The following DOCK10 variants were observed in gnomAD, a reference collection of about 807,000 sequenced individuals.
DOCK10 encodes dedicator of cytokinesis 10.
DOCK10 carries 145 observed loss-of-function variants against 280.1 expected under a neutral mutation model. That is an observed-to-expected ratio of 0.52 (90% CI 0.45 to 0.59). DOCK10 has a LOEUF of 0.59. Ranked by LOEUF, DOCK10 falls within the 20% of genes least tolerant of loss-of-function variation. The probability of loss-of-function intolerance (pLI) is 0.00; values close to 1 mark genes in which losing one functional copy is unlikely to be tolerated. For missense variants in DOCK10, 2,368 were observed against 2,651.7 expected, an observed-to-expected ratio of 0.89 and a Z score of 2.35; for synonymous variants, 915 against 942.2, an observed-to-expected ratio of 0.97 and a Z score of 0.53.
intron 2 of DOCK10, among the ~76,000 whole-genome samples, chr2:224,918,765 T>TGTAATG (rs1701488787): frequency 7.8e-6 from 1 of 128,334 alleles, no homozygotes; most frequent in African/African-American, 2.6e-5. Context: ...TGTGTCGCAT[T>TGTAATG]TGAGTGCATG....
intron 29 of DOCK10, among the ~76,000 whole-genome samples, chr2:224,818,032 G>T (rs1694251073): frequency 6.6e-6 from 1 of 152,224 alleles, no homozygotes; most frequent in African/African-American, 2.4e-5. Context: ...ACCCAAAGCA[G>T]GTTGCTCACA....
chr2:224,986,700 A>G (rs1261782993), intron 1 of DOCK10, among the ~76,000 whole-genome samples: 5 of 152,188 alleles, frequency 3.3e-5, no homozygotes, highest in Non-Finnish European at 7.3e-5. Flanking sequence ...CAAGATAGGA[A>G]GAGAGTCTTC....
At chr2:224,952,296 G>C (rs1482634252) in intron 1 of DOCK10, among the ~76,000 whole-genome samples, 2 of 152,198 alleles carry the variant, frequency 1.3e-5, no homozygotes, top group African/African-American at 2.4e-5. Flanking sequence ...CTGAGAAGAA[G>C]GTGTAGATGA....
chr2:225,003,728 A>G lies in DOCK10; in HGVS notation c.123+38524T>C, dbSNP rs1456253557. Reference sequence around the variant, plus strand: ...ATCCCTGATCCCTAATGGCCATCCTATCTCTTAAACCACAAGAAATATTGT... The same window carrying G: ...ATCCCTGATCCCTAATGGCCATCCTGTCTCTTAAACCACAAGAAATATTGT... On this transcript the variant is annotated intron_variant, in intron 1 of 55. Transcript: ENST00000258390. Among the ~76,000 whole-genome samples the G allele has an allele frequency of 1.2e-3, 187 of 152,206 alleles. 2 individuals carry two copies. The highest frequency in any genetic ancestry group is 5.9e-5 in the Non-Finnish European group (4 of 68,026).
At chr2:224,807,816 C>G (rs763925707) in intron 32 of DOCK10, 32 bp from the exon 33 acceptor site, 1 of 1,565,040 alleles carries the variant, frequency 6.4e-7, no homozygotes, top group African/African-American at 1.4e-5. Flanking sequence ...AGAAATGATT[C>G]ATGTAAAAAT....
chr2:224,946,711 C>T (rs1236441226), intron 1 of DOCK10: 3 of 528,204 alleles, frequency 5.7e-6, no homozygotes, highest in Non-Finnish European at 9.3e-6. Context: ...ATATTTAGGA[C>T]CCAAATGGAA....
intron 1 of DOCK10, among the ~76,000 whole-genome samples, chr2:224,989,179 T>G (rs1706062469): frequency 6.6e-6 from 1 of 152,180 alleles, no homozygotes; most frequent in African/African-American, 2.4e-5. Context: ...CTTCCTGGGC[T>G]AGTGTGAGGA....
At chr2:224,783,897 G>T in intron 50 of DOCK10, among the ~76,000 whole-genome samples, 1 of 152,116 alleles carries the variant, frequency 6.6e-6, no homozygotes, top group Non-Finnish European at 1.5e-5. Context: ...GCTGAATATG[G>T]ACAATGTGTA....
At chr2:224,828,345 CG>C (rs1325063660) in intron 27 of DOCK10, among the ~76,000 whole-genome samples, 1 of 152,064 alleles carries the variant, frequency 6.6e-6, no homozygotes. Flanking sequence ...TAAGGACTCA[CG>C]GGATGAGCAA....
chr2:224,801,298 A>AC, intron 40 of DOCK10, among the ~76,000 whole-genome samples: 2 of 151,916 alleles, frequency 1.3e-5, no homozygotes, highest in African/African-American at 2.4e-5. Flanking sequence ...AAAAAAAAAA[A>AC]AAAAACATAT....
chr2:224,927,038 G>A (rs530609629), intron 2 of DOCK10, among the ~76,000 whole-genome samples: 2 of 152,178 alleles, frequency 1.3e-5, no homozygotes, highest in African/African-American at 4.8e-5. Context: ...AGAGAAGCAG[G>A]TGGGGTCATG....
rs557159881 is a variant in DOCK10 at position 224,871,300 on chromosome 2, C to A, written c.1257+2696G>T. ...TGTGTAAAACCGTCCAAAACAAAAA[C>A]CAGTACTCACCCTTGAGATTTCTTT... On this transcript the variant is annotated intron_variant, in intron 11 of 55. Transcript: ENST00000258390. 2.4e-4 allele frequency among the ~76,000 whole-genome samples: 36 copies of A among 151,994 alleles called. 1 individual carries two copies. The highest frequency in any genetic ancestry group is 6.9e-3 in the Middle Eastern group (2 of 290).
At chr2:224,923,462 C>T (rs948011880) in intron 2 of DOCK10, among the ~76,000 whole-genome samples, 3 of 152,284 alleles carry the variant, frequency 2.0e-5, no homozygotes, top group South Asian at 2.1e-4. Context: ...TTAATAGAAA[C>T]GAGGTGCTCC....
intron 51 of DOCK10, among the ~76,000 whole-genome samples, chr2:224,775,401 C>A (rs1231038577): frequency 6.6e-6 from 1 of 152,152 alleles, no homozygotes; most frequent in African/African-American, 2.4e-5. Flanking sequence ...CTTTTATTTT[C>A]TCTCTTCTCT....
At chr2:225,014,375 A>G (rs1689535082) in intron 1 of DOCK10, among the ~76,000 whole-genome samples, 1 of 151,998 alleles carries the variant, frequency 6.6e-6, no homozygotes, top group African/African-American at 2.4e-5. Flanking sequence ...ATGAAGTAGA[A>G]GGAAATTTCC....
chr2:224,781,650 G>A (rs916053904), intron 50 of DOCK10, among the ~76,000 whole-genome samples: 1 of 152,162 alleles, frequency 6.6e-6, no homozygotes, highest in African/African-American at 2.4e-5. Context: ...CAAGGCAATG[G>A]GAAATGTGAT....
intron 1 of DOCK10, among the ~76,000 whole-genome samples, chr2:224,991,713 TG>T (rs1184174145): frequency 2.0e-5 from 3 of 152,118 alleles, no homozygotes; most frequent in Admixed American, 2.0e-4. Flanking sequence ...CTTAAAGGTA[TG>T]GGCCACCCAC....
At chr2:224,903,325 T>C (rs1316287358) in intron 3 of DOCK10, among the ~76,000 whole-genome samples, 1 of 152,204 alleles carries the variant, frequency 6.6e-6, no homozygotes, top group Non-Finnish European at 1.5e-5. Flanking sequence ...TAAGCATGCA[T>C]GCCCATTTGT....
chr2:224,843,707 A>G (rs1333681099), intron 22 of DOCK10, among the ~76,000 whole-genome samples: 1 of 152,232 alleles, frequency 6.6e-6, no homozygotes, highest in Non-Finnish European at 1.5e-5. Context: ...TACATATTTT[A>G]TGTACTTATA....
Sources: allele counts gnomAD v4.1 joint callset (sites outside exome capture counted in the v4.1 genomes callset), GRCh38; gene constraint gnomAD v4.1.1; transcripts MANE v1.5; gene names NCBI Gene and HGNC (gene_info 2026-07-23, HGNC 2026-07-21).